Variants in RNF17 observed in about 807,000 individuals in gnomAD.
RNF17 encodes ring finger protein 17, also known as spermatogenesis associated 23.
RNF17 carries 31 observed loss-of-function variants against 200.5 expected under a neutral mutation model. That is an observed-to-expected ratio of 0.15 (90% CI 0.12 to 0.21). RNF17 has a LOEUF of 0.21. Ranked by LOEUF, RNF17 falls within the 10% of genes least tolerant of loss-of-function variation. RNF17 has a pLI of 1.00. For synonymous variants in RNF17, 606 were observed against 637.8 expected, an observed-to-expected ratio of 0.95 and a Z score of 0.75; for missense variants, 1,628 against 1,905.1, an observed-to-expected ratio of 0.85 and a Z score of 2.71.
At chr13:24,801,682 A>G (rs376892326) in intron 13 of RNF17, among the ~76,000 whole-genome samples, 1 of 152,202 alleles carries the variant, frequency 6.6e-6, no homozygotes, top group South Asian at 2.1e-4. Flanking sequence ...AGTAGCATAA[A>G]TCTTATGCAT....
downstream of RNF17, chr13:24,883,919 G>A (rs1378781457): frequency 1.2e-6 from 2 of 1,612,710 alleles, no homozygotes; most frequent in South Asian, 1.1e-5. Context: ...AGATGAACAG[G>A]TGTCACACTG....
At position 24,767,278 on chromosome 13, in the gene RNF17, A is replaced by G. The variant is rs1418256413; in HGVS notation, c.137A>G (p.His46Arg). The G allele has an allele frequency of 6.3e-7, 1 of 1,598,078 alleles. No individual in the cohort carries two copies. The highest frequency in any genetic ancestry group is 1.1e-5 in the South Asian group (1 of 90,404). The change falls in exon 2 of 36, where the codon CAT (histidine) becomes CGT (arginine). Residue 46 changes from histidine to arginine, a missense_variant. Coordinates refer to ENST00000255324, the MANE Select transcript of RNF17 (RefSeq NM_031277.3). Reference sequence around the variant, plus strand: ...TTAAGAATTTCATCAATAGGTCACCATTGTGAACTTCAATGTGGACATGCT... The same window carrying G: ...TTAAGAATTTCATCAATAGGTCACCGTTGTGAACTTCAATGTGGACATGCT... ...GRRVSRSSGH[H>R]CELQCGHAFC... is the part of the protein sequence containing the mutation.
intron 13 of RNF17, 147 bp downstream of exon 13, chr13:24,800,681 AG>A: frequency 1.7e-6 from 1 of 578,148 alleles, no homozygotes; most frequent in Non-Finnish European, 2.8e-6. Flanking sequence ...CTAATAGAAA[AG>A]GAAATGAACT....
chr13:24,751,791 T>C, the RNF17 span: 1 of 152,208 alleles, frequency 6.6e-6, no homozygotes, highest in Admixed American at 6.5e-5. Flanking sequence ...AGTATCTTTT[T>C]TTTTATGTTG....
chr13:24,761,518 C>T (rs1019366888), upstream of RNF17, among the ~76,000 whole-genome samples: 1 of 152,178 alleles, frequency 6.6e-6, no homozygotes, highest in Non-Finnish European at 1.5e-5. Flanking sequence ...GGGTCAGATG[C>T]AATTTATAAA....
rs1172485632 is a variant in RNF17 at position 24,870,851 on chromosome 13, T to C, written c.4447+112T>C. 4 of 704,346 alleles carry C rather than the reference T, an allele frequency of 5.7e-6. No individual in the cohort carries two copies. In the African/African-American group the frequency reaches 7.1e-5, roughly 13 times the overall value. The allele number at this position is 704,346 out of a possible 1,614,324, so 43.6% of individuals were successfully genotyped here. A position where few individuals can be genotyped will look rare whatever the true frequency, so the allele number is the denominator to read the frequency against. On this transcript the variant is annotated intron_variant, in intron 32 of 35. Coordinates refer to ENST00000255324, the MANE Select transcript of RNF17 (RefSeq NM_031277.3). Reference sequence around the variant, plus strand: ...ATGCTGATATTTTCCTCATATTCACTTTACATGCATGATTTCCTGTAATCC... The same window carrying C: ...ATGCTGATATTTTCCTCATATTCACCTTACATGCATGATTTCCTGTAATCC...
chr13:24,887,068 G>T, the RNF17 span, among the ~76,000 whole-genome samples: 1 of 152,138 alleles, frequency 6.6e-6, no homozygotes, highest in Non-Finnish European at 1.5e-5. Flanking sequence ...GGAATACACA[G>T]TGCTGGAATA....
chr13:24,763,333 G>C (rs1878992374), upstream of RNF17, among the ~76,000 whole-genome samples: 3 of 147,958 alleles, frequency 2.0e-5, no homozygotes, highest in Non-Finnish European at 4.5e-5. Context: ...CTCCCAAGTA[G>C]CTGGAACTAC....
At chr13:24,831,397 A>G (rs1215856182) in intron 17 of RNF17, among the ~76,000 whole-genome samples, 1 of 152,158 alleles carries the variant, frequency 6.6e-6, no homozygotes, top group Non-Finnish European at 1.5e-5. Flanking sequence ...AACCAAGATC[A>G]TGCCATTGCC....
intron 25 of RNF17, among the ~76,000 whole-genome samples, chr13:24,857,550 G>A (rs1892648231): frequency 6.6e-6 from 1 of 152,178 alleles, no homozygotes; most frequent in Non-Finnish European, 1.5e-5. Context: ...GGGTGTGGGT[G>A]GAGCGTTTCC....
At chr13:24,758,024 G>GT in the RNF17 span, among the ~76,000 whole-genome samples, 6 of 152,162 alleles carry the variant, frequency 3.9e-5, no homozygotes, top group Non-Finnish European at 7.3e-5. Flanking sequence ...CTCCCACCAT[G>GT]TAAGACACGC....
At chr13:24,841,079 A>G (rs534352845) in intron 18 of RNF17, among the ~76,000 whole-genome samples, 2 of 152,310 alleles carry the variant, frequency 1.3e-5, no homozygotes, top group East Asian at 1.9e-4. Context: ...AAATTTGTCT[A>G]CCATATTTCA....
chr13:24,780,262 T>C (rs1199114114), intron 5 of RNF17, among the ~76,000 whole-genome samples: 1 of 152,142 alleles, frequency 6.6e-6, no homozygotes, highest in African/African-American at 2.4e-5. Flanking sequence ...AAAAGTCATT[T>C]CTCAAGAGGA....
At chr13:24,850,303 A>G (rs1319301131) in intron 22 of RNF17, 38 bp from the exon 23 acceptor site, 2 of 1,333,384 alleles carry the variant, frequency 1.5e-6, no homozygotes, top group Admixed American at 1.8e-5. Context: ...ATTGTATGCT[A>G]TTTTTATAAA....
At chr13:24,813,527 C>G (rs371571787) in intron 15 of RNF17, among the ~76,000 whole-genome samples, 6 of 152,216 alleles carry the variant, frequency 3.9e-5, no homozygotes, top group African/African-American at 1.4e-4. Flanking sequence ...ATTCTAGATA[C>G]TAAATTCTTA....
intron 23 of RNF17, 30 bp from the exon 24 acceptor site, chr13:24,851,426 C>A: frequency 6.9e-7 from 1 of 1,442,016 alleles, no homozygotes; most frequent in South Asian, 1.2e-5. Context: ...TTTGGTGTTT[C>A]ATATTTACTC....
In RNF17 at chr13:24,789,792, G is replaced by A. The variant is rs1417337794; in HGVS notation, c.935+20G>A. 2 of 1,311,000 alleles carry A rather than the reference G, an allele frequency of 1.5e-6. No homozygotes were observed. The highest frequency in any genetic ancestry group is 1.8e-4 in the Middle Eastern group (1 of 5,472). 81.2% of individuals were successfully genotyped at this position (1,311,000 alleles called of 1,614,324 possible). A position where few individuals can be genotyped will look rare whatever the true frequency, so the allele number is the denominator to read the frequency against. On this transcript the variant is annotated intron_variant, in intron 9 of 35. Transcript: ENST00000255324. ...AACAAAGTAAGTATTTATAAGCATG[G>A]TAACATGCCATTAGTGTCTGACAGT... is the stretch of plus-strand genomic sequence containing the variant.
chr13:24,851,586 A>T lies in RNF17; in HGVS notation c.3320+15A>T, dbSNP rs376306961. On this transcript the variant is annotated intron_variant, in intron 24 of 35. Coordinates refer to ENST00000255324, the MANE Select transcript of RNF17 (RefSeq NM_031277.3). ...AGAGAAAGGAGGTATAGACTTTTTT[A>T]AAAAATTTTGACATCAGTTTGTGAT... 60 of 1,561,566 alleles carry T rather than the reference A, an allele frequency of 3.8e-5. No individual in the cohort carries two copies. The highest frequency in any genetic ancestry group is 2.1e-4 in the African/African-American group (15 of 72,746).
chr13:24,883,485 T>TTG (rs1484830432), downstream of RNF17: 6 of 760,914 alleles, frequency 7.9e-6, 1 homozygote, highest in Non-Finnish European at 1.3e-5. Context: ...GAGACATCCC[T>TTG]TGGTTATCCC....
Sources: gnomAD v4.1 joint callset for allele counts (sites outside exome capture counted in the v4.1 genomes callset) on GRCh38, gnomAD v4.1.1 for gene constraint, MANE v1.5 for transcripts, NCBI Gene and HGNC (gene_info 2026-07-23, HGNC 2026-07-21) for gene names.